DOCK2: variants seen among roughly 807,000 people sequenced by gnomAD.
DOCK2 encodes the protein dedicator of cytokinesis 2, also known as dedicator of cytokinesis protein 2.
In DOCK2, 87 loss-of-function variants were observed where a neutral mutation model predicts 248.9. That is an observed-to-expected ratio of 0.35 (90% CI 0.29 to 0.42). The LOEUF is 0.42. Among genes scored for constraint, DOCK2 ranks in the 10% least tolerant of loss-of-function variants. The pLI is 1.00. For synonymous variants in DOCK2, 805 were observed against 821.6 expected (o/e 0.98, Z 0.35); for missense variants, 1,747 against 2,300.2 (o/e 0.76, Z 4.92).
intron 30 of DOCK2, among the ~76,000 whole-genome samples, chr5:170,006,774 G>A (rs548666984): frequency 2.6e-4 from 40 of 152,338 alleles, no homozygotes; most frequent in African/African-American, 9.4e-4. Context: ...CAATGCCAGG[G>A]CACCTAGCAG....
intron 25 of DOCK2, among the ~76,000 whole-genome samples, chr5:169,791,391 G>A (rs544795082): frequency 6.6e-6 from 1 of 152,228 alleles, no homozygotes; most frequent in Non-Finnish European, 1.5e-5. Context: ...CAACCACTGA[G>A]TTGACTAATG....
At chr5:169,761,137 C>G (rs1420287428) in intron 24 of DOCK2, among the ~76,000 whole-genome samples, 2 of 152,120 alleles carry the variant, frequency 1.3e-5, no homozygotes, top group Non-Finnish European at 2.9e-5. Flanking sequence ...CTTTAACTTC[C>G]TAGCTGCATA....
chr5:169,720,674 T>C (rs11954683), intron 22 of DOCK2, among the ~76,000 whole-genome samples: 6 of 152,278 alleles, frequency 3.9e-5, no homozygotes, highest in Non-Finnish European at 8.8e-5. Context: ...GGAAGGCACA[T>C]GGAGATGAGA....
At chr5:169,686,105 T>A (rs779091187) in intron 8 of DOCK2, among the ~76,000 whole-genome samples, 1 of 152,196 alleles carries the variant, frequency 6.6e-6, no homozygotes, top group Non-Finnish European at 1.5e-5. Context: ...TACGCCCACC[T>A]TGAAATGGTT....
intron 25 of DOCK2, among the ~76,000 whole-genome samples, chr5:169,778,596 C>G (rs1274312090): frequency 2.0e-5 from 3 of 152,202 alleles, no homozygotes; most frequent in Non-Finnish European, 4.4e-5. Flanking sequence ...GACTGATAAA[C>G]AGTTGCTCTG....
chr5:169,909,198 C>A (rs1396935542), intron 27 of DOCK2, among the ~76,000 whole-genome samples: 3 of 152,176 alleles, frequency 2.0e-5, no homozygotes, highest in East Asian at 1.9e-4. Context: ...AGTATGGGAA[C>A]CTTGTACCAC....
intron 27 of DOCK2, among the ~76,000 whole-genome samples, chr5:169,977,631 C>G (rs947125037): frequency 3.3e-5 from 5 of 152,184 alleles, no homozygotes; most frequent in African/African-American, 1.2e-4. Context: ...CCTAAGCCCC[C>G]ACTCTCATGC....
At chr5:169,714,636 G>T (rs901386622) in intron 19 of DOCK2, among the ~76,000 whole-genome samples, 179 bp downstream of exon 19, 1 of 152,094 alleles carries the variant, frequency 6.6e-6, no homozygotes, top group Non-Finnish European at 1.5e-5. Flanking sequence ...GGAGTGACTT[G>T]GTTCAATGGC....
chr5:170,079,315 G>A lies in DOCK2; in HGVS notation c.5166+169G>A, dbSNP rs978758824. The A allele has an allele frequency of 1.7e-4, 156 of 925,168 alleles. 1 individual carries two copies. Among genetic ancestry groups the A allele is most frequent in the South Asian group, 7.0e-4 (41 of 58,798 alleles). 57.3% of individuals were successfully genotyped at this position (925,168 alleles called of 1,614,324 possible). On this transcript the variant is annotated intron_variant, in intron 49 of 51. Coordinates refer to ENST00000520908, the MANE Select transcript of DOCK2 (RefSeq NM_004946.3). ...GAGCTGAGAGGTGAAGTGCTTACTC[G>A]TGCCCAGGCAGCTGGGGTGGCTGGG...
intron 25 of DOCK2, among the ~76,000 whole-genome samples, chr5:169,788,269 C>T (rs1383174793): frequency 6.6e-6 from 1 of 152,160 alleles, no homozygotes; most frequent in Non-Finnish European, 1.5e-5. Context: ...AGACGCTTGA[C>T]ACATACTTTT....
intron 34 of DOCK2, among the ~76,000 whole-genome samples, chr5:170,030,036 G>A (rs1756074135): frequency 6.6e-6 from 1 of 152,186 alleles, no homozygotes; most frequent in South Asian, 2.1e-4. Flanking sequence ...TGATGTATCT[G>A]GGGGGAATAA....
chr5:170,023,082 G>A (rs1288361380), intron 33 of DOCK2, among the ~76,000 whole-genome samples: 1 of 152,196 alleles, frequency 6.6e-6, no homozygotes, highest in Non-Finnish European at 1.5e-5. Flanking sequence ...GTGGGAATGA[G>A]TGGGAGTCCT....
At chr5:169,879,013 A>T (rs1438130607) in intron 27 of DOCK2, among the ~76,000 whole-genome samples, 1 of 152,148 alleles carries the variant, frequency 6.6e-6, no homozygotes, top group East Asian at 1.9e-4. Context: ...AGGCTTAGGG[A>T]GCAGAGAGAA....
chr5:169,670,526 GT>G lies in DOCK2; in HGVS notation c.169-12del. The G allele has an allele frequency of 6.2e-7, 1 of 1,612,714 alleles. No individual in the cohort carries two copies. Among genetic ancestry groups the G allele is most frequent in the Non-Finnish European group, 8.5e-7 (1 of 1,179,640 alleles). On this transcript the variant is annotated splice_polypyrimidine_tract_variant and intron_variant, in intron 3 of 51. Coordinates refer to ENST00000520908, the MANE Select transcript of DOCK2 (RefSeq NM_004946.3). ...TTTTTATTTTATTTTGTTTTGTTTTGTTTTGTTTCCAACAGGGCATTTTTCC... is the reference window on the plus strand; with the variant it reads ...TTTTTATTTTATTTTGTTTTGTTTTGTTTGTTTCCAACAGGGCATTTTTCC...
chr5:170,045,226 C>G (rs1421907606), intron 38 of DOCK2, among the ~76,000 whole-genome samples: 1 of 152,136 alleles, frequency 6.6e-6, no homozygotes, highest in African/African-American at 2.4e-5. Flanking sequence ...GACTGCATAT[C>G]AGGAGAACTG....
chr5:169,891,247 C>A (rs1215418480), intron 27 of DOCK2, among the ~76,000 whole-genome samples: 1 of 152,192 alleles, frequency 6.6e-6, no homozygotes, highest in East Asian at 1.9e-4. Flanking sequence ...CACTCCCTGA[C>A]CCCCTCTCCC....
chr5:169,959,819 C>G (rs116492863), intron 27 of DOCK2, among the ~76,000 whole-genome samples: 80 of 152,186 alleles, frequency 5.3e-4, no homozygotes, highest in South Asian at 8.3e-4. Flanking sequence ...GTAGAATGCT[C>G]AGAGGGCAAA....
Position 169,803,107 on chromosome 5 carries a change from G to A in DOCK2, c.2604G>A (p.Leu868=), listed in dbSNP as rs755011904. ...LPVITKELKE[L]LEQKDDMQHQ... Reference sequence around the variant, plus strand: ...TCATCACCAAAGAGCTGAAGGAGCTGCTGGAGCAGAAGGATGACATGCAAC... The same window carrying A: ...TCATCACCAAAGAGCTGAAGGAGCTACTGGAGCAGAAGGATGACATGCAAC... The change falls in exon 26 of 52, where the codon CTG becomes CTA. Residue 868 remains leucine, a synonymous_variant. Transcript: ENST00000520908. The A allele has an allele frequency of 4.2e-5, 68 of 1,614,174 alleles. No individual in the cohort carries two copies. In the South Asian group the frequency reaches 6.0e-4, roughly 14 times the overall value.
intron 25 of DOCK2, among the ~76,000 whole-genome samples, chr5:169,790,631 A>G (rs1331776476): frequency 6.6e-6 from 1 of 152,248 alleles, no homozygotes; most frequent in African/African-American, 2.4e-5. Context: ...TAAGTTAGCA[A>G]CAGTGGAAGG....
Sources: gnomAD v4.1 joint callset for allele counts (sites outside exome capture counted in the v4.1 genomes callset) on GRCh38, gnomAD v4.1.1 for gene constraint, MANE v1.5 for transcripts, NCBI Gene and HGNC (gene_info 2026-07-23, HGNC 2026-07-21) for gene names.